GRIP1: variants seen among roughly 807,000 people sequenced by gnomAD.
GRIP1 encodes glutamate receptor interacting protein 1.
GRIP1 carries 45 observed loss-of-function variants against 129.9 expected under a neutral mutation model. That is an observed-to-expected ratio of 0.35 (90% CI 0.27 to 0.44). The LOEUF (loss-of-function observed/expected upper bound fraction) is 0.44. Among genes scored for constraint, GRIP1 ranks in the 20% least tolerant of loss-of-function variants. The pLI is 1.00. For synonymous variants in GRIP1, 530 were observed against 520.8 expected (o/e 1.02, Z -0.24); for missense variants, 1,196 against 1,396.8 (o/e 0.86, Z 2.29).
chr12:66,702,733 C>T (rs532846132), intron 1 of GRIP1, among the ~76,000 whole-genome samples: 4 of 152,252 alleles, frequency 2.6e-5, no homozygotes, highest in East Asian at 1.9e-4. Context: ...AAAAAGGAAA[C>T]GTCTCTCTGG....
At chr12:66,575,358 T>G (rs942328520) in intron 2 of GRIP1, among the ~76,000 whole-genome samples, 1 of 152,202 alleles carries the variant, frequency 6.6e-6, no homozygotes, top group Non-Finnish European at 1.5e-5. Context: ...AAACATACAT[T>G]TTAAAATATT....
At chr12:66,725,320 G>A (rs1199348636) in intron 1 of GRIP1, among the ~76,000 whole-genome samples, 5 of 151,618 alleles carry the variant, frequency 3.3e-5, no homozygotes, top group East Asian at 3.9e-4. Flanking sequence ...CACAAAAATC[G>A]AAAACAAACA....
intron 1 of GRIP1, among the ~76,000 whole-genome samples, chr12:66,927,058 C>A (rs1053883391): frequency 1.3e-5 from 2 of 152,152 alleles, no homozygotes; most frequent in African/African-American, 4.8e-5. Flanking sequence ...GACACCACTC[C>A]AACTTGTTAC....
chr12:66,583,190 A>AT (rs1262122932), intron 2 of GRIP1, among the ~76,000 whole-genome samples: 3 of 151,104 alleles, frequency 2.0e-5, no homozygotes, highest in Non-Finnish European at 4.5e-5. Context: ...GTGCTGGGAA[A>AT]ACTGGCTAGC....
intron 2 of GRIP1, among the ~76,000 whole-genome samples, chr12:66,555,523 T>C (rs568075884): frequency 1.3e-4 from 20 of 152,174 alleles, no homozygotes; most frequent in Admixed American, 2.6e-4. Flanking sequence ...TGAACATCAA[T>C]AAACATCAAG....
chr12:66,694,774 C>T (rs1307747348), intron 1 of GRIP1, among the ~76,000 whole-genome samples: 1 of 152,078 alleles, frequency 6.6e-6, no homozygotes, highest in African/African-American at 2.4e-5. Flanking sequence ...AATTATAAGT[C>T]ATTACTATTC....
chr12:66,994,542 A>G (rs2042439912), intron 1 of GRIP1, among the ~76,000 whole-genome samples: 1 of 152,068 alleles, frequency 6.6e-6, no homozygotes, highest in South Asian at 2.1e-4. Context: ...TACGTGATGA[A>G]AGACTATATA....
chr12:66,542,943 T>TTTCAAAGTG (rs1433273776), intron 2 of GRIP1, among the ~76,000 whole-genome samples: 12 of 152,232 alleles, frequency 7.9e-5, no homozygotes, highest in Admixed American at 6.5e-5. Flanking sequence ...AAACTCGCTC[T>TTTCAAAGTG]TTCAAAGTGA....
chr12:66,932,668 T>G (rs2041417760), intron 1 of GRIP1, among the ~76,000 whole-genome samples: 1 of 151,932 alleles, frequency 6.6e-6, no homozygotes, highest in South Asian at 2.1e-4. Flanking sequence ...ATGTTTTTTG[T>G]TTTTGTTTTT....
At chr12:66,468,681 T>TG (rs71791627) in intron 7 of GRIP1, among the ~76,000 whole-genome samples, 1 of 151,304 alleles carries the variant, frequency 6.6e-6, no homozygotes, top group Non-Finnish European at 1.5e-5. Context: ...TTAAGTTAGT[T>TG]TTTTTTTTTC....
chr12:66,669,387 C>CAATA (rs76985683), intron 1 of GRIP1, among the ~76,000 whole-genome samples: 19,573 of 151,064 alleles, frequency 0.13, 1,278 homozygotes, highest in East Asian at 0.15. Flanking sequence ...GACTCTGTCT[C>CAATA]AATAAATAAA....
chr12:66,655,702 C>T (rs1488986926), intron 1 of GRIP1, among the ~76,000 whole-genome samples: 4 of 151,394 alleles, frequency 2.6e-5, no homozygotes, highest in African/African-American at 7.3e-5. Context: ...CTCCGCCTCC[C>T]GGGTTCACGC....
chr12:66,830,759 C>T (rs1031039309), intron 1 of GRIP1, among the ~76,000 whole-genome samples: 2 of 151,866 alleles, frequency 1.3e-5, no homozygotes, highest in African/African-American at 2.4e-5. Flanking sequence ...TCCAAGGTCA[C>T]ACAGCTGCTA....
chr12:66,375,986 A>G (rs1367371289), intron 22 of GRIP1, among the ~76,000 whole-genome samples: 2 of 152,244 alleles, frequency 1.3e-5, no homozygotes, highest in African/African-American at 4.8e-5. Flanking sequence ...TTCTACATGC[A>G]GAAGGTGGTA....
chr12:67,060,238 T>A (rs1426194400), intron 1 of GRIP1, among the ~76,000 whole-genome samples: 3 of 152,198 alleles, frequency 2.0e-5, no homozygotes, highest in Non-Finnish European at 4.4e-5. Context: ...CAAAGTGATA[T>A]CAGACTGTCA....
chr12:66,351,223 G>C (rs1017152505), intron 24 of GRIP1, among the ~76,000 whole-genome samples: 7 of 152,188 alleles, frequency 4.6e-5, no homozygotes, highest in Non-Finnish European at 8.8e-5. Context: ...ATGAGTGGCA[G>C]CCTCCTGCTT....
intron 11 of GRIP1, among the ~76,000 whole-genome samples, chr12:66,446,323 T>A (rs1322537718): frequency 6.6e-6 from 1 of 152,116 alleles, no homozygotes. Flanking sequence ...CCCTGCCCAT[T>A]GGAGTGTGGC....
intron 1 of GRIP1, among the ~76,000 whole-genome samples, chr12:66,647,898 C>T (rs1003762923): frequency 7.2e-5 from 11 of 152,090 alleles, no homozygotes; most frequent in Non-Finnish European, 1.3e-4. Flanking sequence ...TGCCTTAATC[C>T]CCTCCCTAAC....
At chr12:66,822,370 A>G (rs2039336161) in intron 1 of GRIP1, among the ~76,000 whole-genome samples, 1 of 152,242 alleles carries the variant, frequency 6.6e-6, no homozygotes, top group Admixed American at 6.5e-5. Context: ...GCAAGGCTGC[A>G]GAGAAAAGGG....
Sources: gnomAD v4.1 joint callset for allele counts (sites outside exome capture counted in the v4.1 genomes callset) on GRCh38, gnomAD v4.1.1 for gene constraint, MANE v1.5 for transcripts, NCBI Gene and HGNC (gene_info 2026-07-23, HGNC 2026-07-21) for gene names.